TTK: variants seen among roughly 807,000 people sequenced by gnomAD.
TTK encodes dual specificity protein kinase TTK.
In TTK, 59 loss-of-function variants were observed where a neutral mutation model predicts 117.3. That is an observed-to-expected ratio of 0.50 (90% CI 0.41 to 0.62). The LOEUF (loss-of-function observed/expected upper bound fraction) is 0.62. Among genes scored for constraint, TTK ranks in the 20% least tolerant of loss-of-function variants. The pLI, the probability that TTK is intolerant of heterozygous loss-of-function variation, is 0.00. For synonymous variants in TTK, 302 were observed against 325.0 expected, an observed-to-expected ratio of 0.93 and a Z score of 0.76; for missense variants, 921 against 989.4, an observed-to-expected ratio of 0.93 and a Z score of 0.93.
intron 13 of TTK, among the ~76,000 whole-genome samples, chr6:80,030,827 T>C (rs1562022191): frequency 6.6e-6 from 1 of 152,188 alleles, no homozygotes; most frequent in Non-Finnish European, 1.5e-5. Context: ...TCATTGACTT[T>C]GGAGCTCTTA....
intron 10 of TTK, among the ~76,000 whole-genome samples, chr6:80,016,818 T>C (rs1373373880): frequency 1.3e-5 from 2 of 152,188 alleles, no homozygotes; most frequent in Non-Finnish European, 2.9e-5. Flanking sequence ...CTCCAAGCAG[T>C]GGATTTGCTT....
intron 5 of TTK, 147 bp downstream of exon 5, chr6:80,011,104 A>G (rs1237719335): frequency 1.8e-6 from 2 of 1,106,764 alleles, no homozygotes; most frequent in East Asian, 5.6e-5. Flanking sequence ...GAGAAGTAAA[A>G]AAGTCTCTAC....
At chr6:80,040,834 G>C (rs935758366) in intron 21 of TTK, 131 bp downstream of exon 21, 1 of 696,326 alleles carries the variant, frequency 1.4e-6, no homozygotes, top group East Asian at 2.7e-5. Flanking sequence ...TCTACATTTA[G>C]ATACTTAACA....
At chr6:80,011,620 C>T (rs1167253427) in intron 6 of TTK, 72 bp downstream of exon 6, 17 of 1,522,086 alleles carry the variant, frequency 1.1e-5, no homozygotes, top group Admixed American at 1.8e-5. Context: ...AATGTAATTA[C>T]ATGTATCTGC....
intron 5 of TTK, among the ~76,000 whole-genome samples, chr6:80,011,188 A>ATT (rs201264231): frequency 3.2e-4 from 46 of 145,278 alleles, no homozygotes; most frequent in African/African-American, 1.0e-3. Flanking sequence ...AAGCAAGAGA[A>ATT]TTTTTTTTTT....
intron 4 of TTK, 78 bp from the exon 5 acceptor site, chr6:80,010,736 T>C: frequency 7.1e-7 from 1 of 1,409,540 alleles, no homozygotes; most frequent in Non-Finnish European, 9.6e-7. Context: ...TTCTAGGTCC[T>C]GATGAATACG....
Position 80,039,759 on chromosome 6 carries a change from A to G in TTK, c.2194A>G (p.Thr732Ala), listed in dbSNP as rs1754918158. The G allele has an allele frequency of 4.4e-6, 7 of 1,591,406 alleles. No individual in the cohort carries two copies. Among genetic ancestry groups the G allele is most frequent in the Non-Finnish European group, 6.0e-6 (7 of 1,169,856 alleles). The change falls in exon 19 of 22, where the codon ACA (threonine) becomes GCA (alanine). Residue 732 changes from threonine (T) to alanine (A), a missense_variant. Transcript: ENST00000369798. The stretch of plus-strand genomic sequence containing the variant: ...TTTGTACTATATGACTTACGGGAAA[A>G]CACCATTTCAGCAGATAATTAATCA... ...CILYYMTYGKTPFQQIINQIS... is the reference protein window; with the variant it reads ...CILYYMTYGKAPFQQIINQIS...
chr6:80,014,378 G>C, intron 9 of TTK, 85 bp from the exon 10 acceptor site: 1 of 1,263,976 alleles, frequency 7.9e-7, no homozygotes, highest in South Asian at 2.1e-5. Flanking sequence ...TCCATGTATA[G>C]ATAAGACTTT....
chr6:80,011,814 C>A lies in TTK; in HGVS notation c.801+13C>A, dbSNP rs772949307. 1 of 1,612,500 alleles carries A rather than the reference C, an allele frequency of 6.2e-7. No homozygotes were observed. Among genetic ancestry groups the A allele is most frequent in the East Asian group, 2.2e-5 (1 of 44,760 alleles). On this transcript the variant is annotated intron_variant, in intron 7 of 21. Coordinates refer to ENST00000369798, the MANE Select transcript of TTK (RefSeq NM_003318.5). Reference sequence around the variant, plus strand: ...CAAAACTAAACAGGTAAGTTACTTTCAATCTGCTTGATTAAGGTGGTGATA... The same window carrying A: ...CAAAACTAAACAGGTAAGTTACTTTAAATCTGCTTGATTAAGGTGGTGATA...
At chr6:80,005,776 G>T in intron 1 of TTK, 66 bp from the exon 2 acceptor site, 1 of 1,565,206 alleles carries the variant, frequency 6.4e-7, no homozygotes, top group African/African-American at 1.4e-5. Flanking sequence ...GTTCTAAAAA[G>T]CTAGTGCATT....
chr6:80,040,907 C>T (rs1050994459), intron 21 of TTK, among the ~76,000 whole-genome samples: 1 of 151,748 alleles, frequency 6.6e-6, no homozygotes, highest in African/African-American at 2.4e-5. Flanking sequence ...CAGTACAGTT[C>T]AAAGTAGATC....
At chr6:80,014,669 G>A in intron 10 of TTK, 83 bp downstream of exon 10, 1 of 1,331,374 alleles carries the variant, frequency 7.5e-7, no homozygotes, top group Non-Finnish European at 1.0e-6. Flanking sequence ...AGCCACCTAA[G>A]AATTATGATG....
At chr6:80,030,006 A>G (rs1767711425) in intron 13 of TTK, among the ~76,000 whole-genome samples, 3 of 152,214 alleles carry the variant, frequency 2.0e-5, no homozygotes, top group Admixed American at 2.0e-4. Context: ...ATTACAACAC[A>G]TACATGTTTA....
At chr6:80,040,794 C>A (rs530843710) in intron 21 of TTK, 91 bp downstream of exon 21, 3 of 1,134,572 alleles carry the variant, frequency 2.6e-6, no homozygotes, top group Non-Finnish European at 3.8e-6. Flanking sequence ...AAAAGTTGGT[C>A]CAATCATCAG....
At chr6:80,022,193 T>C in intron 10 of TTK, 131 bp from the exon 11 acceptor site, 1 of 1,008,826 alleles carries the variant, frequency 9.9e-7, no homozygotes, top group Non-Finnish European at 1.4e-6. Context: ...TTAAAGCTTT[T>C]AGTTTCTCTC....
At position 80,024,481 on chromosome 6, in the gene TTK, G is replaced by A. The variant is rs185426467; in HGVS notation, c.1258-1897G>A. Among the ~76,000 whole-genome samples the A allele has an allele frequency of 1.1e-4, 16 of 152,280 alleles. No homozygotes were observed. The East Asian group carries it at 2.9e-3, about 28-fold the overall frequency. ...TAAGTGAACATTTACAACGTGCTAA[G>A]TGAAAGAAGCTCACCACAAAAGCCC... On this transcript the variant is annotated intron_variant, in intron 11 of 21. Transcript: ENST00000369798.
Position 80,031,487 on chromosome 6 carries a change from A to C in TTK, c.1542A>C (p.Ala514=). The change falls in exon 14 of 22, where the codon GCA becomes GCC. Residue 514 remains alanine, a synonymous_variant. Transcript: ENST00000369798. ...QNLQVLASSS[A]NECISVKGRI... ...TTTAGGTTTTAGCATCTTCTTCAGC[A>C]AATGAATGCATTTCGGTTAAAGGAA... 2 of 1,511,744 alleles carry C rather than the reference A, an allele frequency of 1.3e-6. No individual in the cohort carries two copies. The highest frequency in any genetic ancestry group is 1.8e-6 in the Non-Finnish European group (2 of 1,136,680). The allele number at this position is 1,511,744 out of a possible 1,614,324, so 93.6% of individuals were successfully genotyped here. A position where few individuals can be genotyped will look rare whatever the true frequency, so the allele number is the denominator to read the frequency against.
intron 9 of TTK, among the ~76,000 whole-genome samples, chr6:80,014,234 C>T (rs924940361): frequency 1.3e-5 from 2 of 152,150 alleles, no homozygotes; most frequent in Admixed American, 6.6e-5. Flanking sequence ...TTGATTAATA[C>T]ATCCACTGAA....
chr6:80,006,270 A>G (rs1766992583), intron 2 of TTK: 1 of 348,778 alleles, frequency 2.9e-6, no homozygotes, highest in Non-Finnish European at 5.4e-6. Flanking sequence ...TTAGCTCAGA[A>G]GCCTGATTCT....
Sources: allele counts gnomAD v4.1 joint callset (sites outside exome capture counted in the v4.1 genomes callset), GRCh38; gene constraint gnomAD v4.1.1; transcripts MANE v1.5; gene names NCBI Gene and HGNC (gene_info 2026-07-23, HGNC 2026-07-21).